ARHGAP44: variants seen among roughly 807,000 people sequenced by gnomAD.
ARHGAP44 encodes Rho GTPase activating protein 44.
In ARHGAP44, 43 loss-of-function variants were observed where a neutral mutation model predicts 106.8. The ratio of observed to expected loss-of-function variants is 0.40; its 90% confidence interval spans 0.32 to 0.52. The LOEUF is 0.52. ARHGAP44 is among the 20% of genes least tolerant of loss of function. The probability of loss-of-function intolerance (pLI) is 0.48; values close to 1 mark genes in which losing one functional copy is unlikely to be tolerated. For synonymous variants in ARHGAP44, 439 were observed against 410.3 expected (o/e 1.07, Z -0.85); for missense variants, 866 against 1,050.5 (o/e 0.82, Z 2.43).
At chr17:12,881,128 G>T (rs2036725607) in intron 1 of ARHGAP44, among the ~76,000 whole-genome samples, 1 of 150,654 alleles carries the variant, frequency 6.6e-6, no homozygotes, top group African/African-American at 2.4e-5. Context: ...TTTTTCTAGT[G>T]TCTTTCTTTT....
Position 12,939,492 on chromosome 17 carries a change from GTC to G in ARHGAP44, c.583-1556_583-1555del, listed in dbSNP as rs1300765618. ...TATTTTTTTTTTATTTTGAGACAGA[GTC>G]TCTCTCTGTTGCCCAGGCTGGAGTG... On this transcript the variant is annotated intron_variant, in intron 7 of 20. Transcript: ENST00000379672. Among the ~76,000 whole-genome samples, 9 of 151,806 alleles carry G rather than the reference GTC, an allele frequency of 5.9e-5. No homozygotes were observed. The East Asian group carries it at 1.4e-3, about 23-fold the overall frequency.
chr17:12,878,058 T>C (rs2036612013), intron 1 of ARHGAP44, among the ~76,000 whole-genome samples: 1 of 152,242 alleles, frequency 6.6e-6, no homozygotes, highest in Non-Finnish European at 1.5e-5. Context: ...AATTAGCCGT[T>C]ACATGAAATA....
chr17:12,918,981 C>T (rs933201374), intron 5 of ARHGAP44, among the ~76,000 whole-genome samples: 1 of 152,170 alleles, frequency 6.6e-6, no homozygotes, highest in African/African-American at 2.4e-5. Flanking sequence ...CAGGAAAGGG[C>T]ATCAATAATT....
chr17:12,974,144 G>A lies in ARHGAP44; in HGVS notation c.1597G>A (p.Gly533Ser). 3 of 1,563,588 alleles carry A rather than the reference G, an allele frequency of 1.9e-6. No individual in the cohort carries two copies. Among genetic ancestry groups the A allele is most frequent in the East Asian group, 2.4e-5 (1 of 41,852 alleles). ...GGTGGCTCGAAGAGGCTCCTCGGCC[G>A]GTCGGAAAGTGTCCTGCGCCCCGCC... ...NWVARRGSSA[G>S]RKVSCAPPSM... The change falls in exon 18 of 21, where the codon GGT (glycine) becomes AGT (serine). Residue 533 changes from glycine to serine, a missense_variant. This residue lies in a region of ARHGAP44 where 418 missense variants were observed against 403.6 expected (regional missense o/e 1.04). Transcript: ENST00000379672.
intron 1 of ARHGAP44, among the ~76,000 whole-genome samples, chr17:12,818,027 A>G (rs1458586767): frequency 6.6e-6 from 1 of 152,046 alleles, no homozygotes; most frequent in East Asian, 1.9e-4. Flanking sequence ...CACTGATAGT[A>G]AAATCAAAGA....
At chr17:12,857,292 AAG>A (rs1167844440) in intron 1 of ARHGAP44, among the ~76,000 whole-genome samples, 1 of 152,200 alleles carries the variant, frequency 6.6e-6, no homozygotes, top group Non-Finnish European at 1.5e-5. Context: ...ATAAAGAATA[AAG>A]AGGGTAATTT....
intron 1 of ARHGAP44, among the ~76,000 whole-genome samples, chr17:12,875,188 T>A (rs1487988726): frequency 3.3e-5 from 5 of 152,178 alleles, no homozygotes; most frequent in Non-Finnish European, 7.4e-5. Context: ...CTGAGAATTT[T>A]TATTTTTAAC....
intron 12 of ARHGAP44, among the ~76,000 whole-genome samples, chr17:12,950,302 A>G (rs551865456): frequency 6.6e-6 from 1 of 152,298 alleles, no homozygotes; most frequent in Non-Finnish European, 1.5e-5. Flanking sequence ...TATTTTAACA[A>G]TAAGTAATAA....
chr17:12,802,674 C>A (rs1008764954), intron 1 of ARHGAP44, among the ~76,000 whole-genome samples: 3 of 151,544 alleles, frequency 2.0e-5, no homozygotes, highest in African/African-American at 4.8e-5. Context: ...AAAGACCCCA[C>A]CTTGATCGAT....
At chr17:12,896,201 A>C (rs1402009046) in intron 2 of ARHGAP44, among the ~76,000 whole-genome samples, 1 of 152,090 alleles carries the variant, frequency 6.6e-6, no homozygotes, top group African/African-American at 2.4e-5. Context: ...TGGCACGTGT[A>C]TACATATGTA....
intron 1 of ARHGAP44, among the ~76,000 whole-genome samples, chr17:12,802,952 TATATATA>T (rs2034151613): frequency 8.4e-5 from 2 of 23,850 alleles, no homozygotes; most frequent in African/African-American, 5.5e-4. Context: ...TATATATATA[TATATATA>T]TATATATATA....
chr17:12,857,174 T>C (rs1189782595), intron 1 of ARHGAP44, among the ~76,000 whole-genome samples: 1 of 152,234 alleles, frequency 6.6e-6, no homozygotes, highest in Non-Finnish European at 1.5e-5. Context: ...TGCTTGTTCA[T>C]GTGCAAGGAT....
At chr17:12,911,346 A>G (rs1215314344) in intron 4 of ARHGAP44, among the ~76,000 whole-genome samples, 2 of 151,970 alleles carry the variant, frequency 1.3e-5, no homozygotes, top group African/African-American at 4.8e-5. Flanking sequence ...TCCTTAAAAG[A>G]CATAAACCCA....
chr17:12,847,771 C>T (rs944575664), intron 1 of ARHGAP44, among the ~76,000 whole-genome samples: 5 of 152,084 alleles, frequency 3.3e-5, no homozygotes, highest in African/African-American at 2.4e-5. Context: ...TCCCAAAGTG[C>T]TGGGATTACA....
chr17:12,962,384 G>T (rs1227244750), intron 16 of ARHGAP44, among the ~76,000 whole-genome samples: 1 of 152,138 alleles, frequency 6.6e-6, no homozygotes. Flanking sequence ...CATCATTGTG[G>T]TAGGTAAAAT....
intron 1 of ARHGAP44, among the ~76,000 whole-genome samples, chr17:12,876,719 T>G (rs1249477162): frequency 6.6e-6 from 1 of 151,992 alleles, no homozygotes; most frequent in African/African-American, 2.4e-5. Context: ...GAGACCATCC[T>G]GGCCAACATG....
chr17:12,863,542 G>C (rs537185551), intron 1 of ARHGAP44, among the ~76,000 whole-genome samples: 1 of 152,084 alleles, frequency 6.6e-6, no homozygotes, highest in Admixed American at 6.5e-5. Flanking sequence ...CCTCTCACAA[G>C]TGGATAGTTC....
chr17:12,901,096 G>T (rs2037362834), intron 3 of ARHGAP44, among the ~76,000 whole-genome samples: 1 of 151,820 alleles, frequency 6.6e-6, no homozygotes, highest in South Asian at 2.1e-4. Context: ...GCTAACTTTT[G>T]TATTTTTAGT....
intron 16 of ARHGAP44, among the ~76,000 whole-genome samples, chr17:12,966,233 C>T (rs1395933461): frequency 6.6e-6 from 1 of 151,948 alleles, no homozygotes; most frequent in Non-Finnish European, 1.5e-5. Context: ...GAGCTTGAAC[C>T]TATGATAAGA....
Sources: gnomAD v4.1 joint callset for allele counts (sites outside exome capture counted in the v4.1 genomes callset) on GRCh38, gnomAD v4.1.1 for gene constraint, gnomAD v4.1.1 regional missense constraint, MANE v1.5 for transcripts, NCBI Gene and HGNC (gene_info 2026-07-23, HGNC 2026-07-21) for gene names.